Variants in HFM1 observed in about 807,000 individuals in gnomAD.
HFM1 encodes the protein probable ATP-dependent DNA helicase HFM1.
In HFM1, 169 loss-of-function variants were observed where a neutral mutation model predicts 192.1. That is an observed-to-expected ratio of 0.88 (90% CI 0.78 to 1.00). HFM1 has a LOEUF of 1.00. Ranked by LOEUF, HFM1 falls within the 50% of genes least tolerant of loss-of-function variation. The pLI is 0.00. For missense variants in HFM1, 1,661 were observed against 1,668.0 expected (o/e 1.00, Z 0.07); for synonymous variants, 525 against 537.8 (o/e 0.98, Z 0.33).
chr1:91,315,889 T>A lies in HFM1; in HGVS notation c.3066A>T (p.Thr1022=). Residue 1022 remains threonine, a synonymous_variant, in exon 28 of 39, where the codon ACA becomes ACT. Coordinates refer to ENST00000370425, the MANE Select transcript of HFM1 (RefSeq NM_001017975.6). ...RNFEQLQTKR[T]ASDSHYVTLI... ...AGGTAACATAGTGAGAATCCGATGC[T>A]GTTCTTTTAGTTTGTAGCTGTTCAA... is the stretch of plus-strand genomic sequence containing the variant. The A allele has an allele frequency of 3.1e-6, 5 of 1,610,156 alleles. No individual in the cohort carries two copies. Among genetic ancestry groups the A allele is most frequent in the Non-Finnish European group, 4.2e-6 (5 of 1,176,742 alleles).
At chr1:91,365,051 C>G (rs1434284024) in intron 13 of HFM1, among the ~76,000 whole-genome samples, 3 of 151,926 alleles carry the variant, frequency 2.0e-5, no homozygotes, top group South Asian at 2.1e-4. Flanking sequence ...CATGGCTGGA[C>G]CTGGAGTACA....
chr1:91,302,738 C>G (rs1649001015), intron 30 of HFM1, among the ~76,000 whole-genome samples: 1 of 127,798 alleles, frequency 7.8e-6, no homozygotes, highest in African/African-American at 3.0e-5. Context: ...ACAATGAGAA[C>G]ACATAGACAC....
intron 34 of HFM1, among the ~76,000 whole-genome samples, chr1:91,270,264 A>G (rs1004061136): frequency 1.3e-5 from 2 of 152,186 alleles, no homozygotes; most frequent in South Asian, 2.1e-4. Flanking sequence ...GTGATTATTT[A>G]CATGTGGGGT....
intron 30 of HFM1, among the ~76,000 whole-genome samples, chr1:91,293,372 T>A (rs1436075363): frequency 1.3e-5 from 2 of 151,712 alleles, no homozygotes; most frequent in Non-Finnish European, 2.9e-5. Context: ...AACAACCCCA[T>A]CAAAAAGTGG....
intron 20 of HFM1, among the ~76,000 whole-genome samples, chr1:91,334,141 T>C (rs941981288): frequency 6.6e-6 from 1 of 152,180 alleles, no homozygotes; most frequent in South Asian, 2.1e-4. Flanking sequence ...ACTGTAATGA[T>C]GGCTGGAAAA....
rs571165568 is a variant in HFM1 at position 91,404,281 on chromosome 1, G to A, written c.-28+517C>T. 8.5e-5 allele frequency among the ~76,000 whole-genome samples: 13 copies of A among 152,338 alleles called. No homozygotes were observed. In the East Asian group the frequency reaches 2.5e-3, roughly 29 times the overall value. On this transcript the variant is annotated intron_variant, in intron 1 of 38. Coordinates refer to ENST00000370425, the MANE Select transcript of HFM1 (RefSeq NM_001017975.6). ...AATAACAGCTCTGTGGATTTCCTAA[G>A]GAGAATATCCTAAATCCAAGGCAGA... is the stretch of plus-strand genomic sequence containing the variant.
At chr1:91,303,549 T>C (rs1278858655) in intron 30 of HFM1, among the ~76,000 whole-genome samples, 2 of 152,222 alleles carry the variant, frequency 1.3e-5, no homozygotes, top group Non-Finnish European at 2.9e-5. Context: ...TGCTGTATCA[T>C]ATGTTAATTC....
intron 30 of HFM1, among the ~76,000 whole-genome samples, chr1:91,285,374 T>C (rs1260988271): frequency 2.0e-5 from 3 of 152,210 alleles, no homozygotes; most frequent in Non-Finnish European, 2.9e-5. Context: ...TATTTGGAAA[T>C]AGCCATTTAG....
intron 13 of HFM1, among the ~76,000 whole-genome samples, chr1:91,359,271 A>T (rs1658153770): frequency 6.6e-6 from 1 of 152,178 alleles, no homozygotes; most frequent in Non-Finnish European, 1.5e-5. Flanking sequence ...AATCGACAGA[A>T]GTAGGCTACA....
At chr1:91,370,685 T>C (rs1389078336) in intron 13 of HFM1, among the ~76,000 whole-genome samples, 19 of 151,722 alleles carry the variant, frequency 1.3e-4, no homozygotes, top group South Asian at 2.1e-4. Flanking sequence ...TGGCACAAGA[T>C]AGGGATGCCC....
At chr1:91,292,684 C>T (rs1430791846) in intron 30 of HFM1, among the ~76,000 whole-genome samples, 3 of 152,106 alleles carry the variant, frequency 2.0e-5, no homozygotes, top group African/African-American at 4.8e-5. Flanking sequence ...ACTTTCTTCA[C>T]AGAAATGGAA....
At chr1:91,305,511 TG>T (rs1649467261) in intron 30 of HFM1, among the ~76,000 whole-genome samples, 1 of 152,180 alleles carries the variant, frequency 6.6e-6, no homozygotes, top group Admixed American at 6.5e-5. Flanking sequence ...TAGAGTCTTT[TG>T]GATTTTCTCT....
intron 36 of HFM1, among the ~76,000 whole-genome samples, chr1:91,264,240 C>G (rs1050344252): frequency 6.6e-6 from 1 of 151,498 alleles, no homozygotes; most frequent in African/African-American, 2.4e-5. Flanking sequence ...GGAGACTAAA[C>G]AATACCAAAG....
intron 20 of HFM1, chr1:91,328,497 T>C: frequency 1.2e-6 from 2 of 1,613,592 alleles, no homozygotes; most frequent in East Asian, 2.2e-5. Flanking sequence ...CTATGAGCAC[T>C]TATCAGTTCC....
At chr1:91,268,524 C>A (rs1665978424) in intron 34 of HFM1, among the ~76,000 whole-genome samples, 1 of 151,898 alleles carries the variant, frequency 6.6e-6, no homozygotes, top group African/African-American at 2.4e-5. Flanking sequence ...ACAGTACCTA[C>A]CTCAAAAGAT....
In HFM1 at chr1:91,277,038, C is replaced by T; in HGVS notation, c.3416G>A (p.Gly1139Glu). The change falls in exon 31 of 39, where the codon GGG becomes GAG. Residue 1139 changes from glycine to glutamate, a missense_variant. By Grantham distance (98) the Gly-to-Glu change is moderately conservative. Transcript: ENST00000370425. ...ACAAAGATGATTGCATTCTCGGTTC[C>T]CAGGTTTTTTGCTGGCAGTCGTTCC... ...NKGTTASKKP[G>E]NRECNHLCKS... 6.3e-7 allele frequency: 1 copy of T among 1,595,636 alleles called. No individual in the cohort carries two copies. The highest frequency in any genetic ancestry group is 8.5e-7 in the Non-Finnish European group (1 of 1,170,828).
At chr1:91,388,144 T>TTTATAATAAGC (rs754081843) in intron 4 of HFM1, among the ~76,000 whole-genome samples, 2 of 152,060 alleles carry the variant, frequency 1.3e-5, no homozygotes, top group Admixed American at 6.6e-5. Context: ...AGTTGTACCC[T>TTTATAATAAGC]TTATAATAAG....
chr1:91,339,260 C>T (rs1655017058), intron 20 of HFM1, among the ~76,000 whole-genome samples: 1 of 151,712 alleles, frequency 6.6e-6, no homozygotes, highest in African/African-American at 2.4e-5. Context: ...TCCAAACAAC[C>T]ACACAGCTCC....
intron 20 of HFM1, among the ~76,000 whole-genome samples, chr1:91,337,555 T>G (rs1654766313): frequency 6.6e-6 from 1 of 152,194 alleles, no homozygotes; most frequent in Non-Finnish European, 1.5e-5. Flanking sequence ...AAACCCAGCA[T>G]GGTGCAGCAT....
Sources: gnomAD v4.1 joint callset for allele counts (sites outside exome capture counted in the v4.1 genomes callset) on GRCh38, gnomAD v4.1.1 for gene constraint, MANE v1.5 for transcripts, NCBI Gene and HGNC (gene_info 2026-07-23, HGNC 2026-07-21) for gene names.